LAMB3: variants seen among roughly 807,000 people sequenced by gnomAD.
LAMB3 encodes the protein laminin subunit beta 3, also known as laminin subunit beta-3.
Under a neutral mutation model 140.3 loss-of-function variants are expected in LAMB3, and 104 were observed. That is an observed-to-expected ratio of 0.74 (90% CI 0.63 to 0.87). The LOEUF (loss-of-function observed/expected upper bound fraction) is 0.87, where lower values mean the gene tolerates loss of function less well. Ranked by LOEUF, LAMB3 falls within the 40% of genes least tolerant of loss-of-function variation. The pLI is 0.00. For missense variants in LAMB3, 1,531 were observed against 1,575.2 expected, an observed-to-expected ratio of 0.97 and a Z score of 0.47; for synonymous variants, 592 against 602.9, an observed-to-expected ratio of 0.98 and a Z score of 0.26.
At chr1:209,636,472 C>A (rs1423922301) in intron 5 of LAMB3, among the ~76,000 whole-genome samples, 3 of 152,194 alleles carry the variant, frequency 2.0e-5, no homozygotes, top group African/African-American at 7.2e-5. Flanking sequence ...ACCCCCAACA[C>A]CTAGCACATG....
At chr1:209,616,384 A>G (rs1665962810) in intron 22 of LAMB3, 87 bp downstream of exon 22, 9 of 1,492,806 alleles carry the variant, frequency 6.0e-6, no homozygotes, top group Non-Finnish European at 8.4e-6. Context: ...GCTAGCTCCA[A>G]TAAGAACGGG....
intron 3 of LAMB3, among the ~76,000 whole-genome samples, chr1:209,641,923 T>C (rs2076472360): frequency 6.6e-6 from 1 of 152,144 alleles, no homozygotes; most frequent in Non-Finnish European, 1.5e-5. Context: ...TCAGCACATG[T>C]CCTGAGGAGA....
At chr1:209,652,027 A>G (rs1406901397) in intron 1 of LAMB3, among the ~76,000 whole-genome samples, 1 of 152,116 alleles carries the variant, frequency 6.6e-6, no homozygotes, top group Admixed American at 6.5e-5. Flanking sequence ...ATGGCCTAAG[A>G]GAGACCCATC....
At chr1:209,651,228 T>C (rs2076564076) in intron 1 of LAMB3, 1 of 497,872 alleles carries the variant, frequency 2.0e-6, no homozygotes, top group Non-Finnish European at 3.7e-6. Flanking sequence ...GACTCCAGCT[T>C]CCTCCTCTAA....
In LAMB3 at chr1:209,629,913, T is replaced by C. The variant is rs749966322; in HGVS notation, c.956A>G (p.Asn319Ser). The C allele has an allele frequency of 9.9e-6, 16 of 1,613,996 alleles. No homozygotes were observed. The highest frequency in any genetic ancestry group is 6.7e-5 in the Admixed American group (4 of 59,998). Residue 319 changes from asparagine to serine, a missense_variant, in exon 10 of 23, where the codon AAT (asparagine) becomes AGT (serine). Transcript: ENST00000356082. The part of the protein sequence containing the change: ...DAHECQRCDC[N>S]GHSETCHFDP... ...AAAGTGACATGTCTCTGAGTGCCCA[T>C]TGCAGTCGCACCCTGGAAAAAGAGA...
intron 3 of LAMB3, among the ~76,000 whole-genome samples, chr1:209,646,674 C>G (rs2076521444): frequency 6.6e-6 from 1 of 152,192 alleles, no homozygotes; most frequent in Non-Finnish European, 1.5e-5. Context: ...AAGAAATGCT[C>G]AGGAGTGTGA....
At chr1:209,646,268 C>T (rs903789800) in intron 3 of LAMB3, among the ~76,000 whole-genome samples, 1 of 152,194 alleles carries the variant, frequency 6.6e-6, no homozygotes, top group South Asian at 2.1e-4. Flanking sequence ...CATGGTGCAG[C>T]CCCTGCCTTC....
chr1:209,616,732 C>T (rs1185823739), intron 21 of LAMB3, 108 bp from the exon 22 acceptor site: 17 of 1,058,676 alleles, frequency 1.6e-5, no homozygotes, highest in Non-Finnish European at 2.3e-5. Context: ...GGGAAGGTGC[C>T]TCCTATTAGC....
At chr1:209,644,557 T>C (rs900942499) in intron 3 of LAMB3, among the ~76,000 whole-genome samples, 27 of 152,192 alleles carry the variant, frequency 1.8e-4, no homozygotes, top group African/African-American at 6.0e-4. Context: ...GAAGCACAGA[T>C]TCTTGTCCCA....
At chr1:209,642,773 C>G (rs190287637) in intron 3 of LAMB3, among the ~76,000 whole-genome samples, 1 of 152,174 alleles carries the variant, frequency 6.6e-6, no homozygotes, top group African/African-American at 2.4e-5. Context: ...GCCACTTGCA[C>G]CCAGCTTGTT....
chr1:209,622,743 C>A (rs3737914), intron 17 of LAMB3, 63 bp from the exon 18 acceptor site: 16 of 1,601,170 alleles, frequency 1.0e-5, no homozygotes, highest in Admixed American at 1.7e-5. Context: ...AGCAGCCCCA[C>A]GATTCTGCGG....
At chr1:209,632,067 G>A (rs1374418024) in intron 8 of LAMB3, among the ~76,000 whole-genome samples, 3 of 152,188 alleles carry the variant, frequency 2.0e-5, no homozygotes, top group Non-Finnish European at 1.5e-5. Context: ...CCCCATCCCT[G>A]CTGAAGCCAA....
At position 209,629,731 on chromosome 1, in the gene LAMB3, AC is replaced by A; in HGVS notation, c.1132+5del. 6.2e-7 allele frequency: 1 copy of A among 1,613,810 alleles called. No homozygotes were observed. The highest frequency in any genetic ancestry group is 8.5e-7 in the Non-Finnish European group (1 of 1,179,736). On this transcript the variant is annotated splice_donor_5th_base_variant and intron_variant, in intron 10 of 22. Transcript: ENST00000356082. ...GACACTCTGGGACTCCGGAGCCTCT[AC>A]TCACAGATGCAGGTCTCCTGAATGG...
chr1:209,649,854 T>A (rs915609824), intron 3 of LAMB3, 110 bp downstream of exon 3: 1 of 1,233,996 alleles, frequency 8.1e-7, no homozygotes, highest in African/African-American at 1.5e-5. Flanking sequence ...GTCCGTGTAG[T>A]ACACAGGGCT....
chr1:209,643,838 A>G lies in LAMB3; in HGVS notation c.184-5190T>C, dbSNP rs1196806690. On this transcript the variant is annotated intron_variant, in intron 3 of 22. Transcript: ENST00000356082. ...AAAAAAAAAAATCTAGCTGCCTTCAAGAAAATACATTTCCTCCACTTCCAC... is the reference window on the plus strand; with the variant it reads ...AAAAAAAAAAATCTAGCTGCCTTCAGGAAAATACATTTCCTCCACTTCCAC... 2.6e-5 allele frequency among the ~76,000 whole-genome samples: 4 copies of G among 152,202 alleles called. No individual in the cohort carries two copies. The East Asian group carries it at 7.7e-4, about 29-fold the overall frequency.
chr1:209,615,904 G>A (rs188209112), intron 22 of LAMB3, among the ~76,000 whole-genome samples: 16 of 152,170 alleles, frequency 1.1e-4, no homozygotes, highest in African/African-American at 3.9e-4. Flanking sequence ...AAGTCATGTT[G>A]ACCTCATGCC....
At chr1:209,632,817 G>A in intron 7 of LAMB3, 41 bp from the exon 8 acceptor site, 2 of 1,589,918 alleles carry the variant, frequency 1.3e-6, no homozygotes, top group Non-Finnish European at 1.7e-6. Flanking sequence ...GTTGGAGAAT[G>A]GAAAATAAAG....
rs115307026 is a variant in LAMB3 at position 209,618,387 on chromosome 1, G to A, written c.2909+65C>T. On this transcript the variant is annotated intron_variant, in intron 19 of 22. Coordinates refer to ENST00000356082, the MANE Select transcript of LAMB3 (RefSeq NM_000228.3). Reference sequence around the variant, plus strand: ...CCCTCTGTACCCCTCTCCCAGCAACGGGGTTGAGGAGCAAAACGCCAGCTT... The same window carrying A: ...CCCTCTGTACCCCTCTCCCAGCAACAGGGTTGAGGAGCAAAACGCCAGCTT... The A allele has an allele frequency of 3.0e-3, 4,521 of 1,512,122 alleles. 83 individuals carry two copies. In the African/African-American group the frequency reaches 0.048, roughly 16 times the overall value. 93.7% of individuals were successfully genotyped at this position (1,512,122 alleles called of 1,614,324 possible).
At chr1:209,637,683 A>G (rs1342134292) in intron 5 of LAMB3, among the ~76,000 whole-genome samples, 1 of 152,232 alleles carries the variant, frequency 6.6e-6, no homozygotes, top group Non-Finnish European at 1.5e-5. Context: ...TTGAGGGTGG[A>G]GAATGAGAGA....
Sources: allele counts gnomAD v4.1 joint callset (sites outside exome capture counted in the v4.1 genomes callset), GRCh38; gene constraint gnomAD v4.1.1; transcripts MANE v1.5; gene names NCBI Gene and HGNC (gene_info 2026-07-23, HGNC 2026-07-21).